The following TLR7 variants were observed in gnomAD, a reference collection of about 807,000 sequenced individuals.
The protein encoded by TLR7 is toll like receptor 7.
In TLR7, 12 loss-of-function variants were observed where a neutral mutation model predicts 38.3. The observed-to-expected ratio is 0.31, with a 90% CI of 0.20 to 0.51. The LOEUF is 0.51. TLR7 is among the 20% of genes least tolerant of loss of function. TLR7 has a pLI of 0.98. For synonymous variants in TLR7, 285 were observed against 293.8 expected (o/e 0.97, Z 0.31); for missense variants, 504 against 743.4 (o/e 0.68, Z 3.74).
chrX:12,881,859 T>C (rs916930206), intron 2 of TLR7, among the ~76,000 whole-genome samples: 6 of 112,167 alleles, frequency 5.3e-5, no homozygotes, highest in East Asian at 2.8e-4. Flanking sequence ...ACACTTAAAA[T>C]GATGCCTGGC....
At chrX:12,881,817 T>C (rs1277030547) in intron 2 of TLR7, among the ~76,000 whole-genome samples, 2 of 111,890 alleles carry the variant, frequency 1.8e-5, no homozygotes, top group African/African-American at 6.5e-5. Context: ...GTATCCATTA[T>C]TGTGAGGATT....
chrX:12,868,844 C>A (rs2042842604), intron 2 of TLR7, among the ~76,000 whole-genome samples: 1 of 111,867 alleles, frequency 8.9e-6, no homozygotes, highest in Non-Finnish European at 1.9e-5. Flanking sequence ...CAACTGCTTA[C>A]GGTTTCATTT....
Position 12,886,752 on chromosome X carries a change from G to A in TLR7, c.1244G>A (p.Ser415Asn), listed in dbSNP as rs190564296. 11 of 1,207,152 alleles carry A rather than the reference G, an allele frequency of 9.1e-6. No homozygotes were observed. The Admixed American group carries it at 2.2e-4, about 24-fold the overall frequency. Residue 415 changes from serine to asparagine, a missense_variant, in exon 3 of 3, where the codon AGC becomes AAC. Coordinates refer to ENST00000380659, the MANE Select transcript of TLR7 (RefSeq NM_016562.4). ...AACTTTATAAAAATTGCTAACCTCA[G>A]CATGTTTAAACAATTTAAAAGACTG... is the stretch of plus-strand genomic sequence containing the variant. ...GTNFIKIANL[S>N]MFKQFKRLKV...
chrX:12,885,486 T>G (rs1417089530), intron 2 of TLR7, 26 bp from the exon 3 acceptor site: 1 of 1,137,377 alleles, frequency 8.8e-7, no homozygotes, highest in South Asian at 2.1e-5. Context: ...TTTAGAACAA[T>G]GATTTGTTCT....
intron 2 of TLR7, among the ~76,000 whole-genome samples, chrX:12,876,646 A>G (rs1227676874): frequency 8.9e-6 from 1 of 112,453 alleles, no homozygotes; most frequent in Non-Finnish European, 1.9e-5. Flanking sequence ...TAAAAAATAC[A>G]CAAATCATGG....
At chrX:12,885,485 A>G (rs752001256) in intron 2 of TLR7, 27 bp from the exon 3 acceptor site, 1 of 1,143,457 alleles carries the variant, frequency 8.7e-7, no homozygotes, top group Non-Finnish European at 1.2e-6. Context: ...TTTTAGAACA[A>G]TGATTTGTTC....
At chrX:12,881,311 G>T (rs752325391) in intron 2 of TLR7, among the ~76,000 whole-genome samples, 4 of 107,921 alleles carry the variant, frequency 3.7e-5, no homozygotes, top group African/African-American at 1.3e-4. Context: ...TAACTCAGTT[G>T]ATTGCAAACA....
chrX:12,887,719 T>C lies in TLR7; in HGVS notation c.2211T>C (p.Ser737=), dbSNP rs747047171. ...TTCTTAAGAATAATCAAATCAGGAG[T>C]CTGACGAAGTATTTTCTACAAGATG... ...NLILKNNQIR[S]LTKYFLQDAF... Residue 737 remains serine, a synonymous_variant, in exon 3 of 3, where the codon AGT becomes AGC. Coordinates refer to ENST00000380659, the MANE Select transcript of TLR7 (RefSeq NM_016562.4). The C allele has an allele frequency of 3.3e-6, 4 of 1,209,970 alleles. No individual in the cohort carries two copies. In the East Asian group the frequency reaches 1.2e-4, roughly 36 times the overall value.
chrX:12,871,368 G>A (rs2042851835), intron 2 of TLR7, among the ~76,000 whole-genome samples: 1 of 112,293 alleles, frequency 8.9e-6, no homozygotes, highest in Admixed American at 9.4e-5. Context: ...TCTCTAGGGA[G>A]ACATACACAA....
chrX:12,873,777 T>C (rs1245318703), intron 2 of TLR7, among the ~76,000 whole-genome samples: 1 of 112,310 alleles, frequency 8.9e-6, no homozygotes, highest in Admixed American at 9.4e-5. Flanking sequence ...AAATGCATTA[T>C]ATGTTATATG....
intron 2 of TLR7, among the ~76,000 whole-genome samples, chrX:12,879,621 A>C (rs750384427): frequency 3.2e-4 from 34 of 106,719 alleles, no homozygotes; most frequent in Non-Finnish European, 5.5e-4. Flanking sequence ...CAACATCCAC[A>C]TTACAAGAAG....
chrX:12,871,945 C>T (rs1238571497), intron 2 of TLR7, among the ~76,000 whole-genome samples: 1 of 112,180 alleles, frequency 8.9e-6, no homozygotes, highest in Non-Finnish European at 1.9e-5. Context: ...CAGATAATAG[C>T]TATGCAAAGA....
Position 12,888,098 on chromosome X carries a change from T to G in TLR7, c.2590T>G (p.Phe864Val), listed in dbSNP as rs2042917551. 1 of 1,209,086 alleles carries G rather than the reference T, an allele frequency of 8.3e-7. No homozygotes were observed. Among genetic ancestry groups the G allele is most frequent in the Non-Finnish European group, 1.1e-6 (1 of 894,329 alleles). The change falls in exon 3 of 3, where the codon TTC (phenylalanine) becomes GTC (valine). Residue 864 changes from phenylalanine (F) to valine (V), a missense_variant. Physicochemically the swap from Phe to Val is conservative, Grantham distance 50. Coordinates refer to ENST00000380659, the MANE Select transcript of TLR7 (RefSeq NM_016562.4). ...GATGATGACAGCAAGTCACCTCTAT[T>G]TCTGGGATGTGTGGTATATTTACCA... ...MVMMTASHLYFWDVWYIYHFC... is the reference protein window; with the variant it reads ...MVMMTASHLYVWDVWYIYHFC...
chrX:12,888,466 T>C lies in TLR7; in HGVS notation c.2958T>C (p.Ile986=). 8.3e-7 allele frequency: 1 copy of C among 1,211,610 alleles called. No individual in the cohort carries two copies. The highest frequency in any genetic ancestry group is 2.2e-5 in the Admixed American group (1 of 45,994). ...QRLMDEKVDV[I]ILIFLEKPFQ... is the part of the protein sequence containing the mutation. ...TCATGGATGAAAAAGTTGATGTGAT[T>C]ATCTTGATATTTCTTGAGAAGCCCT... Residue 986 remains isoleucine (I), a synonymous_variant, in exon 3 of 3, where the codon ATT becomes ATC. Transcript: ENST00000380659.
At position 12,888,747 on chromosome X, in the gene TLR7, T is replaced by C. The variant is rs939094310; in HGVS notation, c.*89T>C. 3.9e-6 allele frequency: 4 copies of C among 1,013,970 alleles called. No homozygotes were observed. The highest frequency in any genetic ancestry group is 1.9e-5 in the African/African-American group (1 of 52,240). The allele number at this position is 1,013,970 out of a possible 1,213,427, so 83.6% of individuals were successfully genotyped here. ...TCATATATATCACACCAAAAGCGTG[T>C]TTTGAAATTCTTCAAGAAATGAGAT... On this transcript the variant is annotated 3_prime_UTR_variant, in exon 3 of 3. Coordinates refer to ENST00000380659, the MANE Select transcript of TLR7 (RefSeq NM_016562.4).
intron 2 of TLR7, among the ~76,000 whole-genome samples, chrX:12,879,979 C>G (rs1235153102): frequency 1.8e-5 from 2 of 111,997 alleles, no homozygotes; most frequent in Non-Finnish European, 3.8e-5. Flanking sequence ...TAACTATCAC[C>G]TGGAATAAGA....
intron 2 of TLR7, among the ~76,000 whole-genome samples, chrX:12,871,756 G>A (rs1173346951): frequency 9.0e-6 from 1 of 111,406 alleles, no homozygotes; most frequent in Non-Finnish European, 1.9e-5. Context: ...GTAGCCCAGG[G>A]GGTGCCCAGG....
At chrX:12,879,658 G>A (rs992823176) in intron 2 of TLR7, among the ~76,000 whole-genome samples, 1 of 111,405 alleles carries the variant, frequency 9.0e-6, no homozygotes. Flanking sequence ...AGGAGAAAGA[G>A]GAGAAAGGGG....
intron 2 of TLR7, among the ~76,000 whole-genome samples, chrX:12,874,441 T>C (rs769408237): frequency 8.9e-6 from 1 of 112,142 alleles, no homozygotes; most frequent in Non-Finnish European, 1.9e-5. Context: ...TTTATGGTAG[T>C]TTGAAGCTTT....
Sources: allele counts gnomAD v4.1 joint callset (sites outside exome capture counted in the v4.1 genomes callset), GRCh38; gene constraint gnomAD v4.1.1; transcripts MANE v1.5; gene names NCBI Gene and HGNC (gene_info 2026-07-23, HGNC 2026-07-21).